The following CREB5 variants were observed in gnomAD, a reference collection of about 807,000 sequenced individuals.
The protein encoded by CREB5 is cyclic AMP-responsive element-binding protein 5.
A neutral mutation model predicts 57.1 loss-of-function variants in CREB5; 19 were observed. The observed-to-expected ratio is 0.33, with a 90% CI of 0.23 to 0.49. The LOEUF (loss-of-function observed/expected upper bound fraction) is 0.49. CREB5 is among the 20% of genes least tolerant of loss of function. The pLI, the probability that CREB5 is intolerant of heterozygous loss-of-function variation, is 0.99. For synonymous variants in CREB5, 238 were observed against 238.3 expected, an observed-to-expected ratio of 1.00 and a Z score of 0.01; for missense variants, 579 against 671.6, an observed-to-expected ratio of 0.86 and a Z score of 1.52.
intron 1 of CREB5, among the ~76,000 whole-genome samples, chr7:28,386,180 C>G (rs1787098979): frequency 6.6e-6 from 1 of 152,300 alleles, no homozygotes; most frequent in African/African-American, 2.4e-5. Context: ...GACCTTCCTT[C>G]TAGAATCATT....
chr7:28,462,065 C>T (rs923711400), intron 1 of CREB5, among the ~76,000 whole-genome samples: 2 of 152,086 alleles, frequency 1.3e-5, no homozygotes, highest in African/African-American at 4.8e-5. Flanking sequence ...TTAGCAGTCA[C>T]TCCCCATTAT....
intron 1 of CREB5, among the ~76,000 whole-genome samples, chr7:28,345,027 C>G (rs1326148702): frequency 2.0e-5 from 3 of 152,118 alleles, no homozygotes; most frequent in Non-Finnish European, 4.4e-5. Flanking sequence ...TATTAATGGA[C>G]AAGAAGGGAG....
intron 1 of CREB5, among the ~76,000 whole-genome samples, chr7:28,431,513 C>T (rs896216308): frequency 1.3e-5 from 2 of 152,146 alleles, no homozygotes; most frequent in Non-Finnish European, 2.9e-5. Context: ...GGCACTGGCT[C>T]ATGCTTGGAC....
intron 4 of CREB5, among the ~76,000 whole-genome samples, chr7:28,527,175 C>A (rs1047464745): frequency 3.9e-5 from 6 of 152,298 alleles, no homozygotes; most frequent in Admixed American, 3.9e-4. Flanking sequence ...TAGTTTGGGT[C>A]TATCATAACC....
chr7:28,600,732 A>G (rs191943392), intron 5 of CREB5, among the ~76,000 whole-genome samples: 1 of 152,342 alleles, frequency 6.6e-6, no homozygotes, highest in East Asian at 1.9e-4. Context: ...ACATTGTGTC[A>G]AAGCCAAAGA....
intron 5 of CREB5, among the ~76,000 whole-genome samples, chr7:28,575,389 A>G (rs931288696): frequency 5.3e-5 from 8 of 152,238 alleles, no homozygotes; most frequent in African/African-American, 1.9e-4. Flanking sequence ...ACTGAAGGTC[A>G]TGGCTTAAAG....
chr7:28,458,008 G>A (rs111982759), intron 1 of CREB5, among the ~76,000 whole-genome samples: 6 of 152,218 alleles, frequency 3.9e-5, no homozygotes, highest in Admixed American at 2.0e-4. Context: ...AGGGGACTTG[G>A]TGGAGCATGA....
At chr7:28,440,734 A>G (rs1157615352) in intron 1 of CREB5, among the ~76,000 whole-genome samples, 1 of 152,184 alleles carries the variant, frequency 6.6e-6, no homozygotes, top group East Asian at 1.9e-4. Flanking sequence ...TGGAGTTCAC[A>G]CCATTTGGGC....
chr7:28,406,214 T>A (rs1787576484), intron 1 of CREB5, among the ~76,000 whole-genome samples: 1 of 152,216 alleles, frequency 6.6e-6, no homozygotes, highest in Admixed American at 6.5e-5. Flanking sequence ...TAAGCACTAG[T>A]AAGGCTGTAA....
chr7:28,427,695 T>A (rs2128014615), intron 1 of CREB5, among the ~76,000 whole-genome samples: 1 of 152,272 alleles, frequency 6.6e-6, no homozygotes, highest in Middle Eastern at 3.4e-3. Flanking sequence ...CCATGAACTC[T>A]GCCCTCCTCC....
chr7:28,467,084 A>G (rs1267920624), intron 1 of CREB5, among the ~76,000 whole-genome samples: 1 of 152,206 alleles, frequency 6.6e-6, no homozygotes, highest in East Asian at 1.9e-4. Context: ...TCAAGTGTAG[A>G]GACACACAGT....
At chr7:28,710,452 T>C (rs1802346594) in intron 5 of CREB5, among the ~76,000 whole-genome samples, 1 of 152,206 alleles carries the variant, frequency 6.6e-6, no homozygotes, top group Non-Finnish European at 1.5e-5. Flanking sequence ...TCATGAAGTT[T>C]ATTGTCTAGC....
intron 7 of CREB5, chr7:28,724,606 C>CCCAA (rs1803234489): frequency 2.7e-6 from 1 of 363,906 alleles, no homozygotes; most frequent in African/African-American, 2.1e-5. Flanking sequence ...GTAGGATATA[C>CCCAA]CCAAGCGTGT....
intron 7 of CREB5, among the ~76,000 whole-genome samples, chr7:28,748,373 A>G (rs181991687): frequency 1.3e-4 from 20 of 152,180 alleles, no homozygotes; most frequent in Non-Finnish European, 2.9e-5. Flanking sequence ...AGCTGTCACT[A>G]TGAGGAAGAA....
At chr7:28,762,779 T>C (rs921721370) in intron 7 of CREB5, among the ~76,000 whole-genome samples, 8 of 151,924 alleles carry the variant, frequency 5.3e-5, no homozygotes, top group African/African-American at 1.9e-4. Context: ...CTCGATACAA[T>C]ATGAAACTGA....
At chr7:28,598,891 TA>T (rs1583688606) in intron 5 of CREB5, among the ~76,000 whole-genome samples, 1 of 152,240 alleles carries the variant, frequency 6.6e-6, no homozygotes, top group East Asian at 1.9e-4. Flanking sequence ...CTTTCATTTT[TA>T]AACAAGGGAC....
chr7:28,473,165 A>G (rs1041037677), intron 1 of CREB5, among the ~76,000 whole-genome samples: 21 of 152,114 alleles, frequency 1.4e-4, no homozygotes, highest in Admixed American at 1.4e-3. Context: ...TCTACAAAAA[A>G]TAAAAAATTA....
intron 5 of CREB5, among the ~76,000 whole-genome samples, chr7:28,635,772 C>A (rs879407694): frequency 1.3e-5 from 2 of 152,200 alleles, no homozygotes; most frequent in African/African-American, 2.4e-5. Flanking sequence ...CTCATTCATT[C>A]ATTCATTCAT....
intron 5 of CREB5, among the ~76,000 whole-genome samples, chr7:28,668,542 T>C (rs1037505550): frequency 6.6e-6 from 1 of 152,206 alleles, no homozygotes; most frequent in Non-Finnish European, 1.5e-5. Flanking sequence ...GTAAAGTTTA[T>C]GTTACAACAA....
Sources: allele counts gnomAD v4.1 joint callset (sites outside exome capture counted in the v4.1 genomes callset), GRCh38; gene constraint gnomAD v4.1.1; transcripts MANE v1.5; gene names NCBI Gene and HGNC (gene_info 2026-07-23, HGNC 2026-07-21).